PCDH7: variants seen among roughly 807,000 people sequenced by gnomAD.
The protein encoded by PCDH7 is protocadherin-7.
Under a neutral mutation model 58.9 loss-of-function variants are expected in PCDH7, and 17 were observed. The observed-to-expected ratio is 0.29, with a 90% CI of 0.20 to 0.43. The LOEUF is 0.43. PCDH7 is among the 20% of genes least tolerant of loss of function. The pLI, the probability that PCDH7 is intolerant of heterozygous loss-of-function variation, is 1.00. For synonymous variants in PCDH7, 664 were observed against 616.4 expected (o/e 1.08, Z -1.14); for missense variants, 1,274 against 1,441.0 (o/e 0.88, Z 1.88).
downstream of PCDH7, among the ~76,000 whole-genome samples, chr4:30,734,131 T>G (rs1715909629): frequency 1.3e-5 from 2 of 152,078 alleles, no homozygotes; most frequent in African/African-American, 4.8e-5. Flanking sequence ...GTTGGAAATA[T>G]CTCTCTGGGA....
At chr4:30,862,196 G>C (rs551100006) in intron 1 of PCDH7, among the ~76,000 whole-genome samples, 55 of 152,154 alleles carry the variant, frequency 3.6e-4, no homozygotes, top group Non-Finnish European at 6.2e-4. Context: ...ATAAGGTGTT[G>C]ATAATGATTA....
At chr4:31,063,076 A>C (rs529935300) in intron 3 of PCDH7, among the ~76,000 whole-genome samples, 1 of 151,956 alleles carries the variant, frequency 6.6e-6, no homozygotes, top group East Asian at 1.9e-4. Context: ...TGAAGTGTAA[A>C]ATGATGTTTT....
At chr4:30,785,355 G>T (rs896937636) in intron 1 of PCDH7, among the ~76,000 whole-genome samples, 1 of 151,916 alleles carries the variant, frequency 6.6e-6, no homozygotes, top group Non-Finnish European at 1.5e-5. Context: ...AAATTAACAT[G>T]AACTTTCTGA....
chr4:30,794,729 A>G (rs1724568414), intron 1 of PCDH7, among the ~76,000 whole-genome samples: 1 of 152,032 alleles, frequency 6.6e-6, no homozygotes, highest in African/African-American at 2.4e-5. Flanking sequence ...AAAATTATAC[A>G]TTTTAAATTT....
At chr4:31,056,458 G>GAAAGAAAGAAAGA (rs376643176) in intron 3 of PCDH7, among the ~76,000 whole-genome samples, 1 of 83,156 alleles carries the variant, frequency 1.2e-5, no homozygotes, top group Non-Finnish European at 2.2e-5. Context: ...AAGAAAGAAA[G>GAAAGAAAGAAAGA]AAGAAAGAAA....
chr4:30,814,594 G>A (rs1727436176), intron 1 of PCDH7, among the ~76,000 whole-genome samples: 2 of 151,718 alleles, frequency 1.3e-5, no homozygotes, highest in Non-Finnish European at 2.9e-5. Flanking sequence ...ATATAAGGAA[G>A]CCCTTTTGTG....
At chr4:30,737,078 A>C (rs2109244338), downstream of PCDH7, among the ~76,000 whole-genome samples, 1 of 152,268 alleles carries the variant, frequency 6.6e-6, no homozygotes, top group Non-Finnish European at 1.5e-5. Context: ...TGGATGAGGG[A>C]ATCTAAATCT....
chr4:31,031,527 G>A (rs978235181), intron 3 of PCDH7, among the ~76,000 whole-genome samples: 1 of 152,174 alleles, frequency 6.6e-6, no homozygotes, highest in Non-Finnish European at 1.5e-5. Context: ...AAGGCTGGAA[G>A]GATAGTTTAT....
intron 3 of PCDH7, among the ~76,000 whole-genome samples, chr4:31,008,359 G>A (rs992469680): frequency 4.6e-5 from 7 of 152,070 alleles, no homozygotes; most frequent in African/African-American, 1.4e-4. Context: ...TGATATGATG[G>A]TTCGTAAAAA....
intron 3 of PCDH7, among the ~76,000 whole-genome samples, chr4:31,054,177 G>T (rs868390869): frequency 2.0e-5 from 3 of 152,012 alleles, no homozygotes; most frequent in African/African-American, 7.2e-5. Flanking sequence ...TGTTGCCCAG[G>T]CTGGTCTCAA....
downstream of PCDH7, among the ~76,000 whole-genome samples, chr4:30,733,995 T>C (rs1439931237): frequency 6.6e-6 from 1 of 152,132 alleles, no homozygotes; most frequent in Non-Finnish European, 1.5e-5. Flanking sequence ...CAGCCACATA[T>C]GTGATTAAAA....
At chr4:30,981,931 C>G (rs1180352854) in intron 3 of PCDH7, among the ~76,000 whole-genome samples, 1 of 152,048 alleles carries the variant, frequency 6.6e-6, no homozygotes, top group Non-Finnish European at 1.5e-5. Context: ...TACATGAACT[C>G]CACGTTAGAA....
chr4:30,894,489 AAATATATATATATAT>A (rs1739069556), intron 1 of PCDH7, among the ~76,000 whole-genome samples: 1 of 45,928 alleles, frequency 2.2e-5, no homozygotes. Context: ...AAAAAAAAAA[AAATATATATATATAT>A]ATATATATAT....
intron 1 of PCDH7, chr4:30,793,843 A>G (rs1724443301): frequency 6.6e-6 from 1 of 152,230 alleles, no homozygotes; most frequent in Admixed American, 6.5e-5. Context: ...ACAAACATAG[A>G]AGATAAGTAT....
At chr4:31,074,573 A>C (rs1758814118) in intron 3 of PCDH7, among the ~76,000 whole-genome samples, 1 of 151,780 alleles carries the variant, frequency 6.6e-6, no homozygotes, top group Non-Finnish European at 1.5e-5. Context: ...ACCTGAGATC[A>C]GGAGTTCCAG....
chr4:31,074,354 T>C (rs565068189), intron 3 of PCDH7, among the ~76,000 whole-genome samples: 4 of 151,966 alleles, frequency 2.6e-5, no homozygotes, highest in African/African-American at 9.7e-5. Context: ...GATGAAGATA[T>C]AGCATTATTA....
chr4:31,094,663 A>T (rs1346855737), intron 3 of PCDH7, among the ~76,000 whole-genome samples: 1 of 111,722 alleles, frequency 9.0e-6, no homozygotes, highest in Admixed American at 8.3e-5. Flanking sequence ...AACTGGGGAG[A>T]GCATTAGCAA....
At position 30,730,751 on chromosome 4, in the gene PCDH7, A is replaced by G; in HGVS notation, c.3175-2A>G. 6.3e-7 allele frequency: 1 copy of G among 1,591,490 alleles called. No individual in the cohort carries two copies. Among genetic ancestry groups the G allele is most frequent in the Non-Finnish European group, 8.6e-7 (1 of 1,169,370 alleles). The stretch of plus-strand genomic sequence containing the variant: ...CATAAATCTTTATTTTCCTTCTTTC[A>G]GATGCGTCTACATCCATACATTACT... On this transcript the variant is annotated splice_acceptor_variant, in intron 1 of 1. Transcript: ENST00000361762. LOFTEE classifies it high-confidence loss of function.
chr4:30,741,833 CA>C (rs1717122947), intron 1 of PCDH7, among the ~76,000 whole-genome samples: 1 of 152,088 alleles, frequency 6.6e-6, no homozygotes, highest in Non-Finnish European at 1.5e-5. Context: ...TGAAAGTGGA[CA>C]ATTAATTTTG....
Sources: gnomAD v4.1 joint callset for allele counts (sites outside exome capture counted in the v4.1 genomes callset) on GRCh38, gnomAD v4.1.1 for gene constraint, MANE v1.5 for transcripts, NCBI Gene and HGNC (gene_info 2026-07-23, HGNC 2026-07-21) for gene names.